Variants in SH3PXD2A observed in about 807,000 individuals in gnomAD.
SH3PXD2A encodes the protein SH3 and PX domain-containing protein 2A.
A neutral mutation model predicts 115.2 loss-of-function variants in SH3PXD2A; 32 were observed. The observed-to-expected ratio is 0.28, with a 90% confidence interval of 0.21 to 0.37. SH3PXD2A has a LOEUF of 0.37. Ranked by LOEUF, SH3PXD2A falls within the 10% of genes least tolerant of loss-of-function variation. The probability of loss-of-function intolerance (pLI) is 1.00; values close to 1 mark genes in which losing one functional copy is unlikely to be tolerated. For synonymous variants in SH3PXD2A, 610 were observed against 629.1 expected (o/e 0.97, Z 0.45); for missense variants, 1,328 against 1,498.7 (o/e 0.89, Z 1.88).
intron 6 of SH3PXD2A, among the ~76,000 whole-genome samples, chr10:103,672,724 T>C (rs992043012): frequency 2.0e-5 from 3 of 152,174 alleles, no homozygotes; most frequent in Non-Finnish European, 4.4e-5. Flanking sequence ...AAGACTGAAA[T>C]GGCCTAATGC....
chr10:103,656,448 C>A (rs1264827940), intron 8 of SH3PXD2A, among the ~76,000 whole-genome samples: 1 of 152,220 alleles, frequency 6.6e-6, no homozygotes, highest in Non-Finnish European at 1.5e-5. Context: ...TCCTGAGAAA[C>A]CAACGCCACT....
At chr10:103,835,973 G>A (rs2039535571) in intron 1 of SH3PXD2A, among the ~76,000 whole-genome samples, 1 of 152,188 alleles carries the variant, frequency 6.6e-6, no homozygotes, top group African/African-American at 2.4e-5. Flanking sequence ...ACCAGCAAAG[G>A]ATGGACTAAA....
chr10:103,748,831 A>G (rs1404479123), intron 3 of SH3PXD2A, among the ~76,000 whole-genome samples: 1 of 152,162 alleles, frequency 6.6e-6, no homozygotes, highest in East Asian at 1.9e-4. Context: ...AGCACACTGA[A>G]GCCACTACAG....
intron 13 of SH3PXD2A, among the ~76,000 whole-genome samples, chr10:103,606,477 CCCCTT>C (rs1440955727): frequency 1.3e-5 from 2 of 148,320 alleles, no homozygotes; most frequent in Non-Finnish European, 3.0e-5. Context: ...CCCTCCCCCT[CCCCTT>C]CCCTCTCCCT....
rs114479661 is a variant in SH3PXD2A, at chr10:103,816,909, C to T, written c.73-15547G>A. On this transcript the variant is annotated intron_variant, in intron 1 of 14. Coordinates refer to ENST00000369774, the MANE Select transcript of SH3PXD2A (RefSeq NM_001394015.1). ...CTGGAGTACAGTGGTGCCATTACTG[C>T]AACCTCCACCTCCCTGGTTCAAGCA... Among the ~76,000 whole-genome samples, 1,191 of 151,974 alleles carry T rather than the reference C, an allele frequency of 7.8e-3. 17 individuals are homozygous for T. Among genetic ancestry groups the T allele is most frequent in the African/African-American group, 0.024 (999 of 41,434 alleles).
At chr10:103,637,484 A>G (rs942519985) in intron 8 of SH3PXD2A, among the ~76,000 whole-genome samples, 2 of 152,272 alleles carry the variant, frequency 1.3e-5, no homozygotes, top group Admixed American at 6.5e-5. Context: ...TGGAGCTAGG[A>G]AAAGAGGAAG....
At chr10:103,660,216 C>CCA (rs2037271772) in intron 8 of SH3PXD2A, among the ~76,000 whole-genome samples, 1 of 152,174 alleles carries the variant, frequency 6.6e-6, no homozygotes. Context: ...GGCTCGAGTC[C>CCA]CAGCCCTGGC....
At chr10:103,676,143 A>G (rs1197675070) in intron 6 of SH3PXD2A, among the ~76,000 whole-genome samples, 1 of 152,184 alleles carries the variant, frequency 6.6e-6, no homozygotes, top group Non-Finnish European at 1.5e-5. Context: ...AATTGGGAAC[A>G]AAGGGTCCTC....
In SH3PXD2A at chr10:103,603,476, G is replaced by A; in HGVS notation, c.1742C>T (p.Ser581Leu). 6.2e-7 allele frequency: 1 copy of A among 1,611,910 alleles called. No individual in the cohort carries two copies. Among genetic ancestry groups the A allele is most frequent in the East Asian group, 2.2e-5 (1 of 44,878 alleles). The change falls in exon 15 of 15, where the codon TCA becomes TTA. Residue 581 changes from serine (S) to leucine (L), a missense_variant. By Grantham distance (145) the Ser-to-Leu change is moderately radical (BLOSUM62 -2). Transcript: ENST00000369774. ...LSEEPVEDRA[S>L]GERRPAQPHR... ...GGGCTGGGCAGGCCGCCTCTCCCCT[G>A]AGGCTCTGTCCTCCACGGGCTCCTC... is the stretch of plus-strand genomic sequence containing the variant.
At chr10:103,825,003 A>C (rs2039416129) in intron 1 of SH3PXD2A, among the ~76,000 whole-genome samples, 1 of 152,166 alleles carries the variant, frequency 6.6e-6, no homozygotes. Flanking sequence ...GGTTTCGCCA[A>C]GTTATCCTGG....
At chr10:103,755,216 A>G (rs1365044711) in intron 3 of SH3PXD2A, 2 of 152,218 alleles carry the variant, frequency 1.3e-5, no homozygotes, top group Non-Finnish European at 2.9e-5. Context: ...TCCCAGAGAC[A>G]GCTCACAATT....
chr10:103,602,906 T>G lies in SH3PXD2A; in HGVS notation c.2312A>C (p.Glu771Ala), dbSNP rs1257007198. The G allele has an allele frequency of 1.2e-6, 2 of 1,614,170 alleles. No homozygotes were observed. Among genetic ancestry groups the G allele is most frequent in the Non-Finnish European group, 1.7e-6 (2 of 1,180,008 alleles). The change falls in exon 15 of 15, where the codon GAG (glutamate) becomes GCG (alanine). Residue 771 changes from glutamate (E) to alanine (A), a missense_variant. Transcript: ENST00000369774. ...CCGTAAAGTGCTGATGTCCATCTTC[T>G]CTTGGCTCTGCGACTCTGCTCGGTT... ...FLNRAESQSQ[E>A]KMDISTLRRQ...
At chr10:103,618,219 G>A (rs546976912) in intron 10 of SH3PXD2A, among the ~76,000 whole-genome samples, 2 of 152,304 alleles carry the variant, frequency 1.3e-5, no homozygotes, top group South Asian at 4.1e-4. Context: ...GGGAGAGTGG[G>A]GCACCATGGT....
At chr10:103,635,238 C>T (rs559081083) in intron 8 of SH3PXD2A, among the ~76,000 whole-genome samples, 2 of 152,246 alleles carry the variant, frequency 1.3e-5, no homozygotes, top group Non-Finnish European at 2.9e-5. Context: ...CTGGCTGCCA[C>T]ACCTGGCTTC....
chr10:103,818,276 G>C (rs1421775050), intron 1 of SH3PXD2A, among the ~76,000 whole-genome samples: 2 of 152,064 alleles, frequency 1.3e-5, no homozygotes, highest in Non-Finnish European at 2.9e-5. Context: ...CCCTCCTCCG[G>C]TGCACAGCAT....
chr10:103,795,478 T>C (rs2039076894), intron 2 of SH3PXD2A, among the ~76,000 whole-genome samples: 1 of 152,146 alleles, frequency 6.6e-6, no homozygotes, highest in Non-Finnish European at 1.5e-5. Context: ...GAATTACAGG[T>C]GCACATTCAT....
intron 3 of SH3PXD2A, chr10:103,736,735 G>A: frequency 1.6e-6 from 2 of 1,282,660 alleles, no homozygotes; most frequent in Non-Finnish European, 2.0e-6. Context: ...TAGCACTTGT[G>A]ACCCATTTTG....
At chr10:103,630,850 G>C (rs2036768709) in intron 8 of SH3PXD2A, among the ~76,000 whole-genome samples, 1 of 151,698 alleles carries the variant, frequency 6.6e-6, no homozygotes, top group Admixed American at 6.6e-5. Context: ...CTAAAGCTAA[G>C]CCATCCCATT....
intron 3 of SH3PXD2A, among the ~76,000 whole-genome samples, chr10:103,750,665 A>G (rs1390792327): frequency 1.3e-5 from 2 of 152,258 alleles, no homozygotes; most frequent in South Asian, 2.1e-4. Flanking sequence ...AGCTGATGGG[A>G]TGGTCCCCAT....
Sources: gnomAD v4.1 joint callset for allele counts (sites outside exome capture counted in the v4.1 genomes callset) on GRCh38, gnomAD v4.1.1 for gene constraint, MANE v1.5 for transcripts, NCBI Gene and HGNC (gene_info 2026-07-23, HGNC 2026-07-21) for gene names.